BDH1: variants seen among roughly 807,000 people sequenced by gnomAD.
BDH1 encodes the protein D-beta-hydroxybutyrate dehydrogenase, mitochondrial.
BDH1 carries 30 observed loss-of-function variants against 33.1 expected under a neutral mutation model. The ratio of observed to expected loss-of-function variants is 0.91; its 90% confidence interval spans 0.68 to 1.23. BDH1 has a LOEUF of 1.23. Ranked by LOEUF, BDH1 falls within the 50% of genes most tolerant of loss-of-function variation. BDH1 has a pLI of 0.00. For missense variants in BDH1, 443 were observed against 464.4 expected (o/e 0.95, Z 0.42); for synonymous variants, 190 against 183.6 (o/e 1.03, Z -0.28).
At chr3:197,519,471 GC>G (rs1713281075) in intron 6 of BDH1, among the ~76,000 whole-genome samples, 1 of 151,526 alleles carries the variant, frequency 6.6e-6, no homozygotes, top group Admixed American at 6.6e-5. Context: ...GACCAGCCTG[GC>G]CAACCTTGTG....
chr3:197,519,980 GC>G (rs1032648393), intron 6 of BDH1, among the ~76,000 whole-genome samples: 1 of 152,002 alleles, frequency 6.6e-6, no homozygotes, highest in South Asian at 2.1e-4. Context: ...AACCAAATGT[GC>G]CCCCCCGGTG....
At chr3:197,533,651 G>T in intron 3 of BDH1, 90 bp from the exon 4 acceptor site, 2 of 1,296,120 alleles carry the variant, frequency 1.5e-6, no homozygotes, top group Non-Finnish European at 2.2e-6. Context: ...TGTCTCTCCA[G>T]CCCCGGCTCC....
At position 197,525,155 on chromosome 3, in the gene BDH1, TGTGATGAC is replaced by T. The variant is rs1713966858; in HGVS notation, c.268-2382_268-2375del. On this transcript the variant is annotated intron_variant, in intron 5 of 7. Coordinates refer to ENST00000392379, the MANE Select transcript of BDH1 (RefSeq NM_203314.3). This position sits in a 1 kb window ranked among gnomAD's most constrained non-coding sequence, Gnocchi z 4.9. ...AACTAATGCATCTTCAGGTCTAGGG[TGTGATGAC>T]GTGGTGCCTGCAGACCCCTCTCTTC... Among the ~76,000 whole-genome samples the T allele has an allele frequency of 6.6e-6, 1 of 151,718 alleles. No homozygotes were observed. Among genetic ancestry groups the T allele is most frequent in the Non-Finnish European group, 1.5e-5 (1 of 67,950 alleles).
Position 197,533,488 on chromosome 3 carries a change from C to T in BDH1, c.156+1G>A, listed in dbSNP as rs777497167. 1 of 1,614,230 alleles carries T rather than the reference C, an allele frequency of 6.2e-7. No homozygotes were observed. Among genetic ancestry groups the T allele is most frequent in the Non-Finnish European group, 8.5e-7 (1 of 1,180,010 alleles). On this transcript the variant is annotated splice_donor_variant, in intron 4 of 7. Transcript: ENST00000392379. LOFTEE classifies it high-confidence loss of function. ...TCCCGGGTAGCTGGGCTTCCACTCA[C>T]CGGCTCCGCCGCACTGGCATAAGTC...
At position 197,523,914 on chromosome 3, in the gene BDH1, G is replaced by A. The variant is rs1342480146; in HGVS notation, c.268-1133C>T. On this transcript the variant is annotated intron_variant, in intron 5 of 7. Transcript: ENST00000392379. The surrounding 1 kb of genome is among the most constrained non-coding windows in gnomAD (Gnocchi z 4.5). Reference sequence around the variant, plus strand: ...GACGCATAAGGAGGTGGTGGATGCAGGGCTGGAGAGGAGGGCAGGGGTCTG... The same window carrying A: ...GACGCATAAGGAGGTGGTGGATGCAAGGCTGGAGAGGAGGGCAGGGGTCTG... Among the ~76,000 whole-genome samples, 2 of 152,200 alleles carry A rather than the reference G, an allele frequency of 1.3e-5. No homozygotes were observed. The highest frequency in any genetic ancestry group is 2.9e-5 in the Non-Finnish European group (2 of 68,038).
intron 1 of BDH1, among the ~76,000 whole-genome samples, chr3:197,569,311 G>A (rs1717531358): frequency 6.6e-6 from 1 of 152,038 alleles, no homozygotes; most frequent in Non-Finnish European, 1.5e-5. Flanking sequence ...TTTATAATCA[G>A]CTGGGCATCA....
At chr3:197,545,374 A>G (rs1347022426) in intron 3 of BDH1, among the ~76,000 whole-genome samples, 1 of 152,254 alleles carries the variant, frequency 6.6e-6, no homozygotes, top group Admixed American at 6.5e-5. Flanking sequence ...GATTTCATGC[A>G]TAAAGTTTTA....
At chr3:197,552,208 C>T (rs1473262211) in intron 2 of BDH1, among the ~76,000 whole-genome samples, 1 of 152,178 alleles carries the variant, frequency 6.6e-6, no homozygotes, top group Non-Finnish European at 1.5e-5. Context: ...GCACACTCCA[C>T]GGCCCAGTGC....
chr3:197,551,440 A>G (rs1374384556), intron 2 of BDH1, among the ~76,000 whole-genome samples: 3 of 152,220 alleles, frequency 2.0e-5, no homozygotes, highest in Non-Finnish European at 4.4e-5. Flanking sequence ...TCCATTGTGT[A>G]TATGTACCAC....
At chr3:197,557,214 T>A (rs1161513253), upstream of BDH1, among the ~76,000 whole-genome samples, 1 of 152,242 alleles carries the variant, frequency 6.6e-6, no homozygotes, top group Non-Finnish European at 1.5e-5. This position sits in a 1 kb window ranked among gnomAD's most constrained non-coding sequence, Gnocchi z 4.6. Flanking sequence ...AAAACCGAGC[T>A]GTGTCCCAAC....
chr3:197,518,444 G>A (rs1713085777), intron 6 of BDH1, among the ~76,000 whole-genome samples: 1 of 21,064 alleles, frequency 4.7e-5, no homozygotes. Context: ...GTCACTTCCT[G>A]CTCTATGGTC....
At chr3:197,532,639 C>A in intron 4 of BDH1, 117 bp from the exon 5 acceptor site, 1 of 690,190 alleles carries the variant, frequency 1.4e-6, no homozygotes, top group Non-Finnish European at 2.6e-6. Flanking sequence ...CAAGCCTGGC[C>A]CTCCCTACCT....
At chr3:197,542,987 C>T (rs1042293566) in intron 3 of BDH1, 3 of 985,400 alleles carry the variant, frequency 3.0e-6, no homozygotes, top group Non-Finnish European at 3.6e-6. Context: ...GTCCTCAGCG[C>T]CCTGGTCATC....
Position 197,520,400 on chromosome 3 carries a change from G to A in BDH1, c.409+2240C>T, listed in dbSNP as rs1397978543. ...CAGGGAAAGGTCTGCGCGTCAGGCT[G>A]GTGCTGGGGTTGGAGCCCAGATCCC... is the stretch of plus-strand genomic sequence containing the variant. On this transcript the variant is annotated intron_variant, in intron 6 of 7. Transcript: ENST00000392379. This position sits in a 1 kb window ranked among gnomAD's most constrained non-coding sequence, Gnocchi z 6.0. 6.6e-6 allele frequency among the ~76,000 whole-genome samples: 1 copy of A among 152,238 alleles called. No individual in the cohort carries two copies.
In BDH1 at chr3:197,522,762, AC is replaced by A; in HGVS notation, c.286del (p.Val96SerfsTer7). On this transcript the variant is annotated frameshift_variant, in exon 6 of 8. Coordinates refer to ENST00000392379, the MANE Select transcript of BDH1 (RefSeq NM_203314.3). LOFTEE classifies it high-confidence loss of function. This position sits in a 1 kb window ranked among gnomAD's most constrained non-coding sequence, Gnocchi z 4.8. ...ACTGTTTAGGCTGTCCAGCTCCTTG[AC>A]CCCATCATGGCCTTTGTCCTGGGGA... ...CLMKDKGHDG[V>X]KELDSLNSDR... is the part of the protein sequence containing the mutation. The A allele has an allele frequency of 6.2e-7, 1 of 1,613,778 alleles. No homozygotes were observed. Among genetic ancestry groups the A allele is most frequent in the Non-Finnish European group, 8.5e-7 (1 of 1,179,898 alleles).
At chr3:197,527,579 C>A (rs984697677) in intron 5 of BDH1, among the ~76,000 whole-genome samples, 14 of 152,152 alleles carry the variant, frequency 9.2e-5, no homozygotes, top group African/African-American at 3.4e-4. Flanking sequence ...TCTCATTAAG[C>A]CTTCCCTATG....
chr3:197,562,625 T>G (rs1216110254), intron 1 of BDH1, among the ~76,000 whole-genome samples: 1 of 152,066 alleles, frequency 6.6e-6, no homozygotes, highest in Admixed American at 6.5e-5. Context: ...CATAGACCTC[T>G]GGAGAGAGAA....
rs71632223 is a variant in BDH1, at chr3:197,533,230, G to GCCC, written c.156+256_156+258dup. ...TTGCTGGGTGGGGCTGGGAGTTCTC[G>GCCC]CCCCCCACCTAGGCCTCCAGTGATA... On this transcript the variant is annotated intron_variant, in intron 4 of 7. Coordinates refer to ENST00000392379, the MANE Select transcript of BDH1 (RefSeq NM_203314.3). Among the ~76,000 whole-genome samples the GCCC allele has an allele frequency of 8.1e-4, 123 of 151,720 alleles. 1 individual carries two copies. Among genetic ancestry groups the GCCC allele is most frequent in the Admixed American group, 5.2e-3 (80 of 15,276 alleles).
Position 197,520,140 on chromosome 3 carries a change from T to C in BDH1, c.409+2500A>G, listed in dbSNP as rs1713375495. On this transcript the variant is annotated intron_variant, in intron 6 of 7. Transcript: ENST00000392379. The surrounding 1 kb of genome is among the most constrained non-coding windows in gnomAD (Gnocchi z 6.0). ...GAATTGCCAAGGCAAGGCCAAGACA[T>C]GGCAGAGTGGCAGAGTGTGGAGGGG... Among the ~76,000 whole-genome samples, 1 of 151,812 alleles carries C rather than the reference T, an allele frequency of 6.6e-6. No individual in the cohort carries two copies. Among genetic ancestry groups the C allele is most frequent in the Non-Finnish European group, 1.5e-5 (1 of 67,926 alleles).
Sources: gnomAD v4.1 joint callset for allele counts (sites outside exome capture counted in the v4.1 genomes callset) on GRCh38, gnomAD v4.1.1 for gene constraint, Gnocchi (gnomAD v3.1) non-coding constraint, MANE v1.5 for transcripts, NCBI Gene and HGNC (gene_info 2026-07-23, HGNC 2026-07-21) for gene names.